The following NR6A1 variants were observed in gnomAD, a reference collection of about 807,000 sequenced individuals.
The protein encoded by NR6A1 is nuclear receptor subfamily 6 group A member 1.
In NR6A1, 7 loss-of-function variants were observed where a neutral mutation model predicts 59.1. The ratio of observed to expected loss-of-function variants is 0.12; its 90% CI spans 0.07 to 0.22. NR6A1 has a LOEUF of 0.22. Ranked by LOEUF, NR6A1 falls within the 10% of genes least tolerant of loss-of-function variation. The pLI, the probability that NR6A1 is intolerant of heterozygous loss-of-function variation, is 1.00. For missense variants in NR6A1, 468 were observed against 611.6 expected (o/e 0.77, Z 2.48); for synonymous variants, 243 against 236.1 (o/e 1.03, Z -0.27).
intron 2 of NR6A1, among the ~76,000 whole-genome samples, chr9:124,709,521 G>A (rs529861013): frequency 6.6e-6 from 1 of 152,206 alleles, no homozygotes; most frequent in African/African-American, 2.4e-5. Context: ...ATCAACCAGA[G>A]GCACTAGAAA....
At chr9:124,695,182 C>T (rs1022248246) in intron 2 of NR6A1, among the ~76,000 whole-genome samples, 2 of 152,162 alleles carry the variant, frequency 1.3e-5, no homozygotes, top group African/African-American at 4.8e-5. Flanking sequence ...TGAGTGCAGA[C>T]AGGTAGAGTC....
chr9:124,574,560 T>C (rs896790852), intron 2 of NR6A1, among the ~76,000 whole-genome samples: 5 of 152,236 alleles, frequency 3.3e-5, no homozygotes, highest in Non-Finnish European at 7.3e-5. Context: ...CTGGTCTTAA[T>C]ATAATCTGTG....
chr9:124,567,102 C>T (rs998928804), intron 2 of NR6A1, among the ~76,000 whole-genome samples: 5 of 148,984 alleles, frequency 3.4e-5, no homozygotes, highest in African/African-American at 4.9e-5. Context: ...AGCGAGACTC[C>T]GTCTCAAAAA....
At chr9:124,660,923 C>G (rs1190048982) in intron 2 of NR6A1, among the ~76,000 whole-genome samples, 2 of 152,160 alleles carry the variant, frequency 1.3e-5, no homozygotes, top group East Asian at 3.9e-4. Flanking sequence ...CGCTTAGTAA[C>G]ACAAGTGACA....
At chr9:124,546,770 C>T (rs1833614280) in intron 3 of NR6A1, among the ~76,000 whole-genome samples, 1 of 152,212 alleles carries the variant, frequency 6.6e-6, no homozygotes, top group African/African-American at 2.4e-5. Context: ...GCCACACTGC[C>T]TCTGTTAAAA....
At chr9:124,581,323 A>G (rs1180902674) in intron 2 of NR6A1, among the ~76,000 whole-genome samples, 2 of 152,140 alleles carry the variant, frequency 1.3e-5, no homozygotes, top group Non-Finnish European at 2.9e-5. Context: ...GGCCGGGCAC[A>G]GTGGCTCACG....
intron 2 of NR6A1, among the ~76,000 whole-genome samples, chr9:124,588,785 T>G (rs191998743): frequency 6.7e-6 from 1 of 148,938 alleles, no homozygotes; most frequent in South Asian, 2.1e-4. Context: ...CGGGGAATGG[T>G]GGAGGGCGCC....
At chr9:124,680,083 T>C (rs1418117269) in intron 2 of NR6A1, among the ~76,000 whole-genome samples, 3 of 139,674 alleles carry the variant, frequency 2.1e-5, no homozygotes, top group Non-Finnish European at 4.4e-5. Context: ...TGTGTCTGTG[T>C]GTATGTATGT....
At chr9:124,708,991 C>T (rs777074087) in intron 2 of NR6A1, among the ~76,000 whole-genome samples, 14 of 152,208 alleles carry the variant, frequency 9.2e-5, no homozygotes, top group Non-Finnish European at 2.1e-4. Context: ...CCAGTAACTG[C>T]GTGACCTGAA....
chr9:124,563,170 C>T (rs1834127596), intron 2 of NR6A1, among the ~76,000 whole-genome samples: 1 of 152,210 alleles, frequency 6.6e-6, no homozygotes, highest in African/African-American at 2.4e-5. Context: ...TGGCTTGGTG[C>T]AATGTTTTCC....
intron 1 of NR6A1, among the ~76,000 whole-genome samples, chr9:124,737,249 G>A (rs1010964100): frequency 4.6e-5 from 7 of 152,074 alleles, no homozygotes; most frequent in Non-Finnish European, 7.4e-5. Flanking sequence ...ACATTCCCTC[G>A]ACCTAGTCCT....
At chr9:124,595,478 TTAAAATCACTA>T (rs1835247021) in intron 2 of NR6A1, among the ~76,000 whole-genome samples, 1 of 152,228 alleles carries the variant, frequency 6.6e-6, no homozygotes, top group Non-Finnish European at 1.5e-5. Flanking sequence ...TTTAATTTTT[TTAAAATCACTA>T]TAAAATTTAA....
intron 5 of NR6A1, among the ~76,000 whole-genome samples, chr9:124,538,906 A>T (rs1588648715): frequency 0.026 from 1 of 38 alleles, no homozygotes; most frequent in Non-Finnish European, 0.05. Flanking sequence ...TCAACTAATT[A>T]AAAAAAAAAA....
chr9:124,723,480 A>G (rs1246652918), intron 2 of NR6A1, among the ~76,000 whole-genome samples: 1 of 152,208 alleles, frequency 6.6e-6, no homozygotes, highest in Non-Finnish European at 1.5e-5. Flanking sequence ...TGACTGAACT[A>G]TTTAATTGAG....
intron 8 of NR6A1, 152 bp from the exon 9 acceptor site, chr9:124,525,025 A>C: frequency 1.1e-6 from 1 of 883,508 alleles, no homozygotes; most frequent in Non-Finnish European, 1.6e-6. Context: ...GGGAGGAACT[A>C]AGTTCTACCT....
At chr9:124,680,102 G>A (rs201386767) in intron 2 of NR6A1, among the ~76,000 whole-genome samples, 2,494 of 151,906 alleles carry the variant, frequency 0.016, 74 homozygotes, top group East Asian at 0.15. Flanking sequence ...GTGTGTGTGT[G>A]TGTGTGTGTG....
chr9:124,640,817 C>T (rs1381207282), intron 2 of NR6A1, among the ~76,000 whole-genome samples: 1 of 152,032 alleles, frequency 6.6e-6, no homozygotes, highest in African/African-American at 2.4e-5. Context: ...GCAATACACA[C>T]AGAGTATTTT....
chr9:124,599,507 G>A, intron 2 of NR6A1: 1 of 526,300 alleles, frequency 1.9e-6, no homozygotes, highest in Non-Finnish European at 3.6e-6. Context: ...CTTAAACTGA[G>A]GGTCATGGTT....
At chr9:124,646,305 C>CA (rs1836926636) in intron 2 of NR6A1, among the ~76,000 whole-genome samples, 1 of 151,648 alleles carries the variant, frequency 6.6e-6, no homozygotes, top group South Asian at 2.1e-4. Context: ...TTAACAAAAC[C>CA]AAAAATCAAC....
Sources: allele counts gnomAD v4.1 joint callset (sites outside exome capture counted in the v4.1 genomes callset), GRCh38; gene constraint gnomAD v4.1.1; transcripts MANE v1.5; gene names NCBI Gene and HGNC (gene_info 2026-07-23, HGNC 2026-07-21).